Variants in SORCS2 observed in about 807,000 individuals in gnomAD.
SORCS2 encodes sortilin related VPS10 domain containing receptor 2.
In SORCS2, 100 loss-of-function variants were observed where a neutral mutation model predicts 141.6. The ratio of observed to expected loss-of-function variants is 0.71; its 90% CI spans 0.60 to 0.83. SORCS2 has a LOEUF of 0.83. SORCS2 is among the 40% of genes least tolerant of loss of function. The pLI, the probability that SORCS2 is intolerant of heterozygous loss-of-function variation, is 0.00. For missense variants in SORCS2, 1,646 were observed against 1,560.2 expected, an observed-to-expected ratio of 1.05 and a Z score of -0.93; for synonymous variants, 789 against 676.9, an observed-to-expected ratio of 1.17 and a Z score of -2.57.
At chr4:7,654,046 C>A in intron 4 of SORCS2, 88 bp from the exon 5 acceptor site, 1 of 1,205,536 alleles carries the variant, frequency 8.3e-7, no homozygotes, top group Non-Finnish European at 1.2e-6. Context: ...CCTGGGGGAT[C>A]TGCTGTGGTG....
intron 3 of SORCS2, among the ~76,000 whole-genome samples, chr4:7,589,303 T>C (rs1716753569): frequency 6.6e-6 from 1 of 152,146 alleles, no homozygotes; most frequent in African/African-American, 2.4e-5. Context: ...ACATATGGTA[T>C]TTGGTGGCTG....
At chr4:7,215,496 C>T (rs1466621947) in intron 1 of SORCS2, among the ~76,000 whole-genome samples, 1 of 152,262 alleles carries the variant, frequency 6.6e-6, no homozygotes, top group Non-Finnish European at 1.5e-5. Context: ...ATCGACCACC[C>T]AAGGGCTGAG....
chr4:7,243,788 A>T (rs912650255), intron 1 of SORCS2, among the ~76,000 whole-genome samples: 12 of 152,354 alleles, frequency 7.9e-5, no homozygotes, highest in Middle Eastern at 3.4e-3. Context: ...GACGCCAGGC[A>T]AGCAGGTAGC....
intron 3 of SORCS2, among the ~76,000 whole-genome samples, chr4:7,539,741 C>T (rs1009980008): frequency 3.9e-5 from 2 of 51,440 alleles, no homozygotes; most frequent in Non-Finnish European, 5.1e-5. Flanking sequence ...CCTGCTGTGG[C>T]GGCCCCACCC....
chr4:7,218,753 A>T (rs1245232212), intron 1 of SORCS2, among the ~76,000 whole-genome samples: 5 of 152,234 alleles, frequency 3.3e-5, no homozygotes, highest in Non-Finnish European at 7.3e-5. Flanking sequence ...TATCATAACG[A>T]TGAATCCCGA....
At chr4:7,433,572 G>A (rs371026897) in intron 2 of SORCS2, 3 of 1,611,784 alleles carry the variant, frequency 1.9e-6, no homozygotes, top group Non-Finnish European at 2.5e-6. Context: ...GCTTGCACTG[G>A]ATCATATAGG....
At chr4:7,463,517 C>A (rs535625192) in intron 2 of SORCS2, among the ~76,000 whole-genome samples, 14 of 152,166 alleles carry the variant, frequency 9.2e-5, no homozygotes, top group Non-Finnish European at 1.9e-4. Flanking sequence ...GGCGCAGAAG[C>A]TCTCGACTCC....
chr4:7,728,255 A>G, intron 21 of SORCS2, 95 bp from the exon 22 acceptor site: 2 of 829,232 alleles, frequency 2.4e-6, no homozygotes, highest in Admixed American at 2.2e-5. Flanking sequence ...TCCCGGGACC[A>G]TCCAGGGCAT....
intron 2 of SORCS2, among the ~76,000 whole-genome samples, chr4:7,507,603 G>A (rs749553837): frequency 2.0e-5 from 3 of 152,238 alleles, no homozygotes; most frequent in South Asian, 2.1e-4. Context: ...CAAGTGGCAC[G>A]AAAGTAGACG....
intron 3 of SORCS2, among the ~76,000 whole-genome samples, chr4:7,602,587 T>A (rs1331370244): frequency 1.4e-5 from 2 of 141,512 alleles, no homozygotes; most frequent in Non-Finnish European, 3.0e-5. Context: ...CGCTCCTCAC[T>A]TCCTTGACGG....
chr4:7,444,178 C>G (rs1431277406), intron 2 of SORCS2, among the ~76,000 whole-genome samples: 2 of 152,222 alleles, frequency 1.3e-5, no homozygotes, highest in African/African-American at 4.8e-5. Context: ...TACTAAGAGC[C>G]TACTATGTGC....
At chr4:7,466,127 G>C (rs1729601912) in intron 2 of SORCS2, among the ~76,000 whole-genome samples, 1 of 152,222 alleles carries the variant, frequency 6.6e-6, no homozygotes, top group South Asian at 2.1e-4. Context: ...CATTCTCTGA[G>C]TGGTTTCTGC....
In SORCS2 at chr4:7,278,674, C is replaced by T. The variant is rs77054267; in HGVS notation, c.480+85548C>T. Among the ~76,000 whole-genome samples, 112 of 152,294 alleles carry T rather than the reference C, an allele frequency of 7.4e-4. 1 individual carries two copies. In the East Asian group the frequency reaches 0.017, roughly 23 times the overall value. ...CCCTAATGTGTGGGCCCAGCACATG[C>T]GCTTATGGGGCCAGCTGTCCTTGGA... On this transcript the variant is annotated intron_variant, in intron 1 of 26. Coordinates refer to ENST00000507866, the MANE Select transcript of SORCS2 (RefSeq NM_020777.3).
intron 2 of SORCS2, among the ~76,000 whole-genome samples, chr4:7,490,100 C>T (rs75042923): frequency 0.013 from 1,986 of 152,260 alleles, 44 homozygotes; most frequent in African/African-American, 0.046. Flanking sequence ...TGGGCTGACA[C>T]CCCAGGGGCC....
At chr4:7,382,879 C>T (rs971345585) in intron 1 of SORCS2, among the ~76,000 whole-genome samples, 8 of 152,056 alleles carry the variant, frequency 5.3e-5, no homozygotes, top group African/African-American at 1.9e-4. Flanking sequence ...CGCACAACAT[C>T]AACGGACCCA....
intron 3 of SORCS2, among the ~76,000 whole-genome samples, chr4:7,570,032 A>C (rs1715281937): frequency 1.3e-5 from 2 of 151,964 alleles, no homozygotes; most frequent in Non-Finnish European, 2.9e-5. Flanking sequence ...CAAGGGGAGG[A>C]GATGCAATCC....
chr4:7,629,667 C>T (rs1489185201), intron 3 of SORCS2, among the ~76,000 whole-genome samples: 1 of 151,584 alleles, frequency 6.6e-6, no homozygotes, highest in Non-Finnish European at 1.5e-5. Flanking sequence ...CTGTTCCTTT[C>T]CGGCACCCCC....
chr4:7,557,278 C>T (rs191221326), intron 3 of SORCS2, among the ~76,000 whole-genome samples: 35 of 152,200 alleles, frequency 2.3e-4, no homozygotes, highest in East Asian at 7.7e-4. Context: ...GGTGGAGGGA[C>T]GGTGGCAGGG....
At chr4:7,485,537 C>T (rs1730925827) in intron 2 of SORCS2, among the ~76,000 whole-genome samples, 2 of 152,384 alleles carry the variant, frequency 1.3e-5, no homozygotes, top group Admixed American at 6.5e-5. Context: ...CCTCTAGCTT[C>T]TCCCTGGCGG....
Sources: allele counts gnomAD v4.1 joint callset (sites outside exome capture counted in the v4.1 genomes callset), GRCh38; gene constraint gnomAD v4.1.1; transcripts MANE v1.5; gene names NCBI Gene and HGNC (gene_info 2026-07-23, HGNC 2026-07-21).